INO80D: variants seen among roughly 807,000 people sequenced by gnomAD.
INO80D encodes the protein INO80 complex subunit D.
A neutral mutation model predicts 87.6 loss-of-function variants in INO80D; 21 were observed. The ratio of observed to expected loss-of-function variants is 0.24; its 90% CI spans 0.17 to 0.35. INO80D has a LOEUF of 0.35. Among genes scored for constraint, INO80D ranks in the 10% least tolerant of loss-of-function variants. INO80D has a pLI of 1.00. For synonymous variants in INO80D, 440 were observed against 491.0 expected, an observed-to-expected ratio of 0.90 and a Z score of 1.37; for missense variants, 982 against 1,280.7, an observed-to-expected ratio of 0.77 and a Z score of 3.56.
chr2:206,069,958 T>A (rs780421712), intron 1 of INO80D, among the ~76,000 whole-genome samples: 2 of 152,204 alleles, frequency 1.3e-5, no homozygotes, highest in Non-Finnish European at 2.9e-5. Context: ...GTGGAAACTA[T>A]AAGCCACGAT....
rs1403386575 is a variant in INO80D, at chr2:206,085,764, G to C, written c.-124+137C>G. On this transcript the variant is annotated intron_variant, in intron 1 of 10. Transcript: ENST00000403263. The surrounding 1 kb of genome is among the most constrained non-coding windows in gnomAD (Gnocchi z 4.5). ...GGCCCCACTCACCCTTTCATTCTCC[G>C]CCCGGGGCCTGGCGTGGGCCGGCGA... 1 of 151,382 alleles carries C rather than the reference G, an allele frequency of 6.6e-6. No individual in the cohort carries two copies. The highest frequency in any genetic ancestry group is 1.5e-5 in the Non-Finnish European group (1 of 67,840). The allele number at this position is 151,382 out of a possible 1,614,324, so 9.4% of individuals were successfully genotyped here.
chr2:206,057,264 G>A (rs981951624), intron 3 of INO80D, among the ~76,000 whole-genome samples: 7 of 152,114 alleles, frequency 4.6e-5, no homozygotes, highest in African/African-American at 1.7e-4. Context: ...AGCATACAAA[G>A]TAACTCATCA....
At chr2:206,030,008 T>TG (rs1216140434) in intron 5 of INO80D, among the ~76,000 whole-genome samples, 90 of 152,342 alleles carry the variant, frequency 5.9e-4, no homozygotes, top group Non-Finnish European at 1.2e-3. Context: ...CTCCATGGTA[T>TG]AGGGCCCAGG....
At chr2:206,023,984 A>G (rs972226303) in intron 6 of INO80D, among the ~76,000 whole-genome samples, 3 of 152,218 alleles carry the variant, frequency 2.0e-5, no homozygotes, top group Admixed American at 2.0e-4. Context: ...TCCCAAACTC[A>G]TTGTATAGTC....
chr2:206,060,544 A>G (rs572692974), intron 3 of INO80D, among the ~76,000 whole-genome samples: 27 of 147,144 alleles, frequency 1.8e-4, no homozygotes, highest in Non-Finnish European at 2.2e-4. Flanking sequence ...AAAAAAAAAA[A>G]CAACAACAAC....
chr2:206,057,573 C>T (rs1689559166), intron 3 of INO80D, among the ~76,000 whole-genome samples: 1 of 152,042 alleles, frequency 6.6e-6, no homozygotes, highest in Non-Finnish European at 1.5e-5. Flanking sequence ...AAATAATTCC[C>T]TTAATGCAGA....
chr2:206,008,624 A>C (rs1688090552), intron 9 of INO80D, among the ~76,000 whole-genome samples: 1 of 152,172 alleles, frequency 6.6e-6, no homozygotes, highest in African/African-American at 2.4e-5. Flanking sequence ...CCTAACTTAC[A>C]GTGTCTCCTC....
intron 5 of INO80D, 109 bp downstream of exon 5, chr2:206,046,395 T>C: frequency 2.8e-6 from 2 of 709,544 alleles, no homozygotes; most frequent in Non-Finnish European, 4.8e-6. Flanking sequence ...AAAAAATTAG[T>C]CAGGCTTGGT....
chr2:206,027,494 T>C (rs1250417016), intron 6 of INO80D, among the ~76,000 whole-genome samples: 1 of 151,800 alleles, frequency 6.6e-6, no homozygotes, highest in African/African-American at 2.4e-5. Flanking sequence ...AGGCCAGGAG[T>C]TTGAGACCAG....
At position 206,024,399 on chromosome 2, in the gene INO80D, T is replaced by C. The variant is rs182652427; in HGVS notation, c.1298+3712A>G. Among the ~76,000 whole-genome samples the C allele has an allele frequency of 3.4e-3, 523 of 152,136 alleles. 13 individuals are homozygous for C. Among genetic ancestry groups the C allele is most frequent in the Non-Finnish European group, 9.6e-4 (65 of 68,008 alleles). ...ATCAGGGAATGTATCTCTAAGAACA[T>C]AAGTCTCTGAGTAAGCTGAGACCTG... On this transcript the variant is annotated intron_variant, in intron 6 of 10. Coordinates refer to ENST00000403263, the MANE Select transcript of INO80D (RefSeq NM_017759.5).
intron 5 of INO80D, among the ~76,000 whole-genome samples, chr2:206,046,034 C>T (rs375348474): frequency 6.6e-6 from 1 of 152,066 alleles, no homozygotes. Context: ...GCAAATTTAC[C>T]AAGAAAATTT....
chr2:206,028,879 G>GTTTTGTTT (rs1688688735), intron 5 of INO80D, among the ~76,000 whole-genome samples: 1 of 150,072 alleles, frequency 6.7e-6, no homozygotes, highest in Non-Finnish European at 1.5e-5. Context: ...ATGTATTTTT[G>GTTTTGTTT]TTTTGTTTTT....
At chr2:206,021,902 CCA>C (rs1434854529) in intron 6 of INO80D, among the ~76,000 whole-genome samples, 1 of 152,070 alleles carries the variant, frequency 6.6e-6, no homozygotes, top group African/African-American at 2.4e-5. Flanking sequence ...GCATGAGTCA[CCA>C]CACCCTGCCT....
chr2:206,079,558 C>T (rs1031507072), intron 1 of INO80D, among the ~76,000 whole-genome samples: 6 of 152,306 alleles, frequency 3.9e-5, no homozygotes, highest in African/African-American at 1.4e-4. Context: ...CCTTAACATG[C>T]CTCTGCCACT....
At chr2:206,039,733 C>A (rs1247905986) in intron 5 of INO80D, among the ~76,000 whole-genome samples, 2 of 149,212 alleles carry the variant, frequency 1.3e-5, no homozygotes, top group Non-Finnish European at 3.0e-5. Flanking sequence ...TCACTTGAAC[C>A]CAGGAGGTGG....
intron 1 of INO80D, among the ~76,000 whole-genome samples, chr2:206,076,132 G>A (rs1460817255): frequency 6.7e-6 from 1 of 150,012 alleles, no homozygotes; most frequent in Non-Finnish European, 1.5e-5. Flanking sequence ...GGCCACGGCA[G>A]AAGGATTACT....
At chr2:206,035,587 G>A (rs1237886936) in intron 5 of INO80D, among the ~76,000 whole-genome samples, 1 of 152,064 alleles carries the variant, frequency 6.6e-6, no homozygotes, top group Admixed American at 6.6e-5. Context: ...ATCAACTCAA[G>A]GTCAATTAAG....
At chr2:206,060,555 A>T (rs1410584218) in intron 3 of INO80D, among the ~76,000 whole-genome samples, 4 of 146,366 alleles carry the variant, frequency 2.7e-5, no homozygotes, top group Non-Finnish European at 6.0e-5. Context: ...CAACAACAAC[A>T]ACTTAGTGCT....
chr2:206,010,927 A>G (rs1688157460), intron 8 of INO80D, among the ~76,000 whole-genome samples: 1 of 151,996 alleles, frequency 6.6e-6, no homozygotes, highest in South Asian at 2.1e-4. Flanking sequence ...AAAATACAAA[A>G]ATTAGCCAGG....
Sources: allele counts gnomAD v4.1 joint callset (sites outside exome capture counted in the v4.1 genomes callset), GRCh38; gene constraint gnomAD v4.1.1; non-coding constraint Gnocchi (gnomAD v3.1); transcripts MANE v1.5; gene names NCBI Gene and HGNC (gene_info 2026-07-23, HGNC 2026-07-21).